TYW1B: variants seen among roughly 807,000 people sequenced by gnomAD.
The protein encoded by TYW1B is S-adenosyl-L-methionine-dependent tRNA 4-demethylwyosine synthase TYW1B.
In TYW1B, 73 loss-of-function variants were observed where a neutral mutation model predicts 86.9. The ratio of observed to expected loss-of-function variants is 0.84; its 90% CI spans 0.70 to 1.02. TYW1B has a LOEUF of 1.02. TYW1B is among the 50% of genes least tolerant of loss of function. The probability of loss-of-function intolerance (pLI) is 0.00; values close to 1 mark genes in which losing one functional copy is unlikely to be tolerated. For synonymous variants in TYW1B, 248 were observed against 292.8 expected (o/e 0.85, Z 1.56); for missense variants, 637 against 827.4 (o/e 0.77, Z 2.82).
chr7:72,603,983 C>T (rs1479992822), intron 13 of TYW1B, among the ~76,000 whole-genome samples: 1 of 152,084 alleles, frequency 6.6e-6, no homozygotes, highest in Non-Finnish European at 1.5e-5. Flanking sequence ...CTAAGGAAAT[C>T]TAAATAAACT....
chr7:72,646,098 G>A (rs1812923015), intron 11 of TYW1B, among the ~76,000 whole-genome samples: 1 of 151,416 alleles, frequency 6.6e-6, no homozygotes, highest in Non-Finnish European at 1.5e-5. Context: ...ACAGGCTGGA[G>A]AGCAGTGGCA....
chr7:72,614,739 T>A (rs782758277), intron 13 of TYW1B, among the ~76,000 whole-genome samples: 2 of 152,028 alleles, frequency 1.3e-5, no homozygotes, highest in Non-Finnish European at 2.9e-5. Context: ...TACTAAGCAT[T>A]CACCAAATTA....
intron 8 of TYW1B, among the ~76,000 whole-genome samples, chr7:72,729,250 A>C (rs373781730): frequency 6.6e-6 from 1 of 152,170 alleles, no homozygotes; most frequent in Non-Finnish European, 1.5e-5. Context: ...GCAAACTGTC[A>C]CCATCATGTT....
At chr7:72,800,871 T>C (rs1176188172) in intron 6 of TYW1B, among the ~76,000 whole-genome samples, 1 of 152,140 alleles carries the variant, frequency 6.6e-6, no homozygotes, top group African/African-American at 2.4e-5. Flanking sequence ...GAATTTTTAT[T>C]GGGATTCCAT....
At chr7:72,668,246 A>C (rs1281844721) in intron 11 of TYW1B, among the ~76,000 whole-genome samples, 4 of 152,208 alleles carry the variant, frequency 2.6e-5, no homozygotes, top group South Asian at 2.1e-4. Context: ...GTCATCCATG[A>C]CTCAATACTT....
chr7:72,735,516 G>T (rs1457267142), intron 8 of TYW1B, among the ~76,000 whole-genome samples: 1 of 150,932 alleles, frequency 6.6e-6, no homozygotes, highest in Non-Finnish European at 1.5e-5. Flanking sequence ...AGGTTGCAGT[G>T]GGCCAAGATT....
chr7:72,580,193 A>G (rs1247590503), intron 13 of TYW1B, among the ~76,000 whole-genome samples: 22 of 152,264 alleles, frequency 1.4e-4, no homozygotes, highest in Non-Finnish European at 2.6e-4. Flanking sequence ...CACATGTGCC[A>G]CCTCTCAGGG....
intron 9 of TYW1B, among the ~76,000 whole-genome samples, chr7:72,724,067 A>C (rs1554458195): frequency 2.0e-5 from 3 of 152,018 alleles, no homozygotes; most frequent in Non-Finnish European, 1.5e-5. Flanking sequence ...GGATTTTCAA[A>C]AATAATGGCT....
intron 11 of TYW1B, among the ~76,000 whole-genome samples, chr7:72,683,445 C>G (rs1813927963): frequency 6.6e-6 from 1 of 152,132 alleles, no homozygotes; most frequent in South Asian, 2.1e-4. Context: ...TGGCAGGTGC[C>G]TATAATCCTA....
intron 10 of TYW1B, among the ~76,000 whole-genome samples, chr7:72,709,390 C>T (rs1275085280): frequency 7.2e-5 from 11 of 152,168 alleles, no homozygotes; most frequent in South Asian, 2.1e-4. Flanking sequence ...AAAGCGTGGC[C>T]GAGCGTGGTG....
At chr7:72,711,981 G>A (rs781919119) in intron 10 of TYW1B, among the ~76,000 whole-genome samples, 3 of 151,918 alleles carry the variant, frequency 2.0e-5, no homozygotes, top group Admixed American at 6.6e-5. Flanking sequence ...CAGTCTAATC[G>A]GGGAAAACAC....
At chr7:72,588,063 G>T (rs1289732135) in intron 13 of TYW1B, among the ~76,000 whole-genome samples, 2 of 152,204 alleles carry the variant, frequency 1.3e-5, no homozygotes, top group African/African-American at 2.4e-5. Flanking sequence ...GATCACAAGG[G>T]CAGACTTGTG....
At chr7:72,765,505 G>A (rs782361928) in intron 7 of TYW1B, among the ~76,000 whole-genome samples, 1 of 151,978 alleles carries the variant, frequency 6.6e-6, no homozygotes, top group Admixed American at 6.6e-5. Context: ...TCACTCTGTC[G>A]ACCAGGCTGG....
At chr7:72,700,301 A>G (rs1302053202) in intron 10 of TYW1B, among the ~76,000 whole-genome samples, 2 of 150,622 alleles carry the variant, frequency 1.3e-5, no homozygotes, top group African/African-American at 4.9e-5. Context: ...CAGCCTCCGG[A>G]GTAGCTGGGA....
intron 7 of TYW1B, among the ~76,000 whole-genome samples, chr7:72,774,730 C>A (rs1413370082): frequency 6.6e-6 from 1 of 151,644 alleles, no homozygotes; most frequent in Non-Finnish European, 1.5e-5. Context: ...GACTCCGTCT[C>A]AAAATAAATA....
At chr7:72,647,240 C>A (rs1371328403) in intron 11 of TYW1B, among the ~76,000 whole-genome samples, 4 of 152,006 alleles carry the variant, frequency 2.6e-5, no homozygotes, top group Non-Finnish European at 4.4e-5. Flanking sequence ...CATATTTGTT[C>A]GTTGACGGTG....
chr7:72,601,417 C>CA (rs1811663093), intron 13 of TYW1B, among the ~76,000 whole-genome samples: 1 of 151,794 alleles, frequency 6.6e-6, no homozygotes, highest in Non-Finnish European at 1.5e-5. Context: ...AGCCATTCAT[C>CA]AATGGTGGGA....
intron 13 of TYW1B, among the ~76,000 whole-genome samples, chr7:72,614,681 T>A (rs1396316204): frequency 6.6e-6 from 1 of 151,140 alleles, no homozygotes; most frequent in African/African-American, 2.4e-5. Context: ...ACCTACCTTG[T>A]AGGGATGCTG....
At chr7:72,584,252 C>T (rs1585825372) in intron 13 of TYW1B, among the ~76,000 whole-genome samples, 1 of 152,116 alleles carries the variant, frequency 6.6e-6, no homozygotes, top group African/African-American at 2.4e-5. Flanking sequence ...GCTATGCAGC[C>T]CAGGATGGTC....
Sources: gnomAD v4.1 joint callset for allele counts (sites outside exome capture counted in the v4.1 genomes callset) on GRCh38, gnomAD v4.1.1 for gene constraint, MANE v1.5 for transcripts, NCBI Gene and HGNC (gene_info 2026-07-23, HGNC 2026-07-21) for gene names.